TBC1D32: variants seen among roughly 807,000 people sequenced by gnomAD.
The protein encoded by TBC1D32 is TBC1 domain family member 32.
Under a neutral mutation model 170.3 loss-of-function variants are expected in TBC1D32, and 151 were observed. The ratio of observed to expected loss-of-function variants is 0.89; its 90% CI spans 0.78 to 1.01. The LOEUF (loss-of-function observed/expected upper bound fraction) is 1.01. Among genes scored for constraint, TBC1D32 ranks in the 50% least tolerant of loss-of-function variants. TBC1D32 has a pLI of 0.00. For synonymous variants in TBC1D32, 498 were observed against 488.0 expected (o/e 1.02, Z -0.27); for missense variants, 1,464 against 1,457.1 (o/e 1.00, Z -0.08).
chr6:121,186,844 A>T (rs1041010625), intron 22 of TBC1D32, among the ~76,000 whole-genome samples: 11 of 152,030 alleles, frequency 7.2e-5, no homozygotes, highest in African/African-American at 2.7e-4. Flanking sequence ...GGAAAATTAC[A>T]CTGTATTAGC....
At chr6:121,334,591 G>C, upstream of TBC1D32, 1 of 791,678 alleles carries the variant, frequency 1.3e-6, no homozygotes, top group Non-Finnish European at 2.0e-6. Flanking sequence ...CTGCCAGTGC[G>C]TCATTTCGGA....
chr6:121,268,521 G>A (rs1191792951), intron 15 of TBC1D32, among the ~76,000 whole-genome samples: 2 of 152,120 alleles, frequency 1.3e-5, no homozygotes, highest in Non-Finnish European at 2.9e-5. Context: ...AGTGAATGAA[G>A]ATCAAATGCA....
chr6:121,155,841 T>C (rs1784816682), intron 24 of TBC1D32, among the ~76,000 whole-genome samples: 1 of 152,160 alleles, frequency 6.6e-6, no homozygotes, highest in Non-Finnish European at 1.5e-5. Context: ...CAAACTTGCA[T>C]CTCAGGAATA....
intron 30 of TBC1D32, among the ~76,000 whole-genome samples, chr6:121,102,845 C>A (rs191491799): frequency 0.014 from 2,184 of 152,230 alleles, 14 homozygotes; most frequent in Middle Eastern, 0.031. Flanking sequence ...ACTCATCTGA[C>A]AAAGGGCTAA....
intron 3 of TBC1D32, among the ~76,000 whole-genome samples, chr6:121,312,808 T>C (rs982973157): frequency 2.6e-5 from 4 of 152,202 alleles, no homozygotes; most frequent in Non-Finnish European, 4.4e-5. Flanking sequence ...CCCACTTGCA[T>C]GTAGACACAG....
At chr6:121,101,303 A>G (rs907115742) in intron 30 of TBC1D32, among the ~76,000 whole-genome samples, 3 of 152,170 alleles carry the variant, frequency 2.0e-5, no homozygotes, top group Non-Finnish European at 4.4e-5. Context: ...ATTTTAGACC[A>G]ATATCCCTGA....
intron 24 of TBC1D32, among the ~76,000 whole-genome samples, chr6:121,142,276 G>A (rs1250926172): frequency 2.0e-5 from 3 of 152,234 alleles, no homozygotes; most frequent in African/African-American, 7.2e-5. Flanking sequence ...ATCAGAGAAA[G>A]GCAATCTAAT....
chr6:121,108,526 C>CA (rs547864278), intron 29 of TBC1D32, among the ~76,000 whole-genome samples: 1 of 151,642 alleles, frequency 6.6e-6, no homozygotes. Flanking sequence ...AGACAAAGTG[C>CA]AAAAAAATTG....
chr6:121,111,888 G>A (rs1455007073), intron 29 of TBC1D32, among the ~76,000 whole-genome samples: 1 of 152,048 alleles, frequency 6.6e-6, no homozygotes, highest in Non-Finnish European at 1.5e-5. Flanking sequence ...CATTAGCATA[G>A]CTGATATTTT....
At chr6:121,111,267 T>C (rs1779178550) in intron 29 of TBC1D32, among the ~76,000 whole-genome samples, 1 of 152,198 alleles carries the variant, frequency 6.6e-6, no homozygotes, top group African/African-American at 2.4e-5. Context: ...TACAAAATTA[T>C]GGTTCAATAT....
intron 22 of TBC1D32, among the ~76,000 whole-genome samples, chr6:121,182,129 A>T (rs769479370): frequency 6.6e-6 from 1 of 152,060 alleles, no homozygotes; most frequent in African/African-American, 2.4e-5. Context: ...AAAGAAGTAA[A>T]CATCATAAAA....
intron 30 of TBC1D32, among the ~76,000 whole-genome samples, chr6:121,098,660 T>C (rs1582759521): frequency 6.6e-6 from 1 of 151,958 alleles, no homozygotes; most frequent in Non-Finnish European, 1.5e-5. Context: ...TTAAAGATCT[T>C]CAACTAAAAA....
chr6:121,246,026 C>T (rs992799861), intron 17 of TBC1D32, among the ~76,000 whole-genome samples: 2 of 152,184 alleles, frequency 1.3e-5, no homozygotes, highest in African/African-American at 4.8e-5. Flanking sequence ...TACATCTACT[C>T]ACCTGCCTTA....
intron 15 of TBC1D32, among the ~76,000 whole-genome samples, chr6:121,262,109 C>T (rs1268379014): frequency 1.3e-5 from 2 of 152,108 alleles, no homozygotes; most frequent in South Asian, 4.1e-4. Context: ...ACAAAACCTA[C>T]AAGAATTATG....
At chr6:121,106,754 T>C (rs1778725942) in intron 29 of TBC1D32, among the ~76,000 whole-genome samples, 1 of 152,006 alleles carries the variant, frequency 6.6e-6, no homozygotes, top group Non-Finnish European at 1.5e-5. Flanking sequence ...ATCAAGGTTC[T>C]CAGGCCAACT....
chr6:121,239,045 T>A (rs10214599), intron 20 of TBC1D32, 25 bp downstream of exon 20: 1 of 1,297,662 alleles, frequency 7.7e-7, no homozygotes, highest in Non-Finnish European at 1.1e-6. Flanking sequence ...CAAATCTGTG[T>A]ATTATTAGTC....
At chr6:121,327,549 A>G (rs906354208) in intron 1 of TBC1D32, among the ~76,000 whole-genome samples, 2 of 152,204 alleles carry the variant, frequency 1.3e-5, no homozygotes, top group Non-Finnish European at 2.9e-5. Context: ...AGGCCCTTAT[A>G]CTTATCCCAG....
intron 26 of TBC1D32, among the ~76,000 whole-genome samples, chr6:121,118,702 C>A (rs1018851221): frequency 2.0e-5 from 3 of 152,144 alleles, no homozygotes; most frequent in Admixed American, 2.0e-4. Flanking sequence ...CCCTCCCTTA[C>A]CTGTCCTAAC....
At chr6:121,213,276 G>A (rs973401103) in intron 21 of TBC1D32, among the ~76,000 whole-genome samples, 4 of 151,828 alleles carry the variant, frequency 2.6e-5, no homozygotes, top group East Asian at 1.9e-4. Context: ...GTTTGCAGAC[G>A]GCATGATTCT....
Sources: allele counts gnomAD v4.1 joint callset (sites outside exome capture counted in the v4.1 genomes callset), GRCh38; gene constraint gnomAD v4.1.1; transcripts MANE v1.5; gene names NCBI Gene and HGNC (gene_info 2026-07-23, HGNC 2026-07-21).